The following MAP4K4 variants were observed in gnomAD, a reference collection of about 807,000 sequenced individuals.
MAP4K4 encodes the protein mitogen-activated protein kinase kinase kinase kinase 4.
A neutral mutation model predicts 189.6 loss-of-function variants in MAP4K4; 38 were observed. The ratio of observed to expected loss-of-function variants is 0.20; its 90% CI spans 0.15 to 0.26. The LOEUF (loss-of-function observed/expected upper bound fraction) is 0.26, where lower values mean the gene tolerates loss of function less well. MAP4K4 is among the 10% of genes least tolerant of loss of function. The pLI is 1.00. For synonymous variants in MAP4K4, 610 were observed against 624.3 expected, an observed-to-expected ratio of 0.98 and a Z score of 0.34; for missense variants, 1,054 against 1,726.9, an observed-to-expected ratio of 0.61 and a Z score of 6.91.
At chr2:101,829,482 C>A in intron 5 of MAP4K4, 22 bp from the exon 6 acceptor site, 1 of 1,552,686 alleles carries the variant, frequency 6.4e-7, no homozygotes, top group Non-Finnish European at 8.8e-7. Context: ...AACTAAAATT[C>A]AGGTCTGTCT....
chr2:101,742,887 G>A (rs1035034984), intron 2 of MAP4K4, among the ~76,000 whole-genome samples: 12 of 152,184 alleles, frequency 7.9e-5, no homozygotes, highest in Non-Finnish European at 1.5e-4. Context: ...TTATAGTTTA[G>A]AAGTCTGAAA....
At chr2:101,710,100 A>G (rs1384297854) in intron 2 of MAP4K4, among the ~76,000 whole-genome samples, 3 of 152,220 alleles carry the variant, frequency 2.0e-5, no homozygotes, top group African/African-American at 7.2e-5. Flanking sequence ...TTTGAGAGGT[A>G]TGTCAAAGAC....
At chr2:101,824,091 T>C in intron 4 of MAP4K4, 38 bp downstream of exon 4, 2 of 1,283,952 alleles carry the variant, frequency 1.6e-6, no homozygotes, top group East Asian at 3.8e-5. Context: ...GGGCATTCCA[T>C]TTGCTTGAAT....
intron 2 of MAP4K4, 115 bp downstream of exon 2, chr2:101,698,653 G>A (rs2036108024): frequency 1.1e-6 from 1 of 923,258 alleles, no homozygotes. Flanking sequence ...GGCCAAAGTT[G>A]GGAGAGGGGT....
intron 2 of MAP4K4, among the ~76,000 whole-genome samples, chr2:101,746,748 C>G (rs2065782272): frequency 6.6e-6 from 1 of 152,042 alleles, no homozygotes; most frequent in African/African-American, 2.4e-5. Context: ...ATTTTTAGGC[C>G]AAATGTGGAG....
chr2:101,801,803 C>T (rs940396444), intron 3 of MAP4K4, among the ~76,000 whole-genome samples: 1 of 152,180 alleles, frequency 6.6e-6, no homozygotes, highest in Non-Finnish European at 1.5e-5. Flanking sequence ...GTCCGATAGC[C>T]TAAACTCAAC....
chr2:101,790,860 G>C, intron 3 of MAP4K4, 84 bp downstream of exon 3: 1 of 1,174,036 alleles, frequency 8.5e-7, no homozygotes, highest in African/African-American at 1.5e-5. Context: ...TACTCTGTTT[G>C]GAAAATCTGA....
intron 2 of MAP4K4, among the ~76,000 whole-genome samples, chr2:101,699,626 A>G (rs1382314792): frequency 6.6e-6 from 1 of 152,170 alleles, no homozygotes; most frequent in Non-Finnish European, 1.5e-5. Flanking sequence ...AGCCGACTGT[A>G]GACCTTTTCT....
intron 4 of MAP4K4, among the ~76,000 whole-genome samples, chr2:101,824,981 A>G (rs1450879377): frequency 1.3e-5 from 2 of 152,234 alleles, no homozygotes; most frequent in South Asian, 2.1e-4. Flanking sequence ...ATGTTAGGGA[A>G]TATTTGAGTC....
chr2:101,845,199 A>AC (rs60954577), intron 12 of MAP4K4, among the ~76,000 whole-genome samples: 10 of 151,664 alleles, frequency 6.6e-5, no homozygotes, highest in Admixed American at 5.3e-4. Flanking sequence ...AAAAAAAAAA[A>AC]CCGAACACAC....
At chr2:101,726,915 G>A (rs569082361) in intron 2 of MAP4K4, among the ~76,000 whole-genome samples, 1 of 152,246 alleles carries the variant, frequency 6.6e-6, no homozygotes, top group South Asian at 2.1e-4. Flanking sequence ...ATCTGGTGGG[G>A]GACTTTCTTG....
chr2:101,764,310 A>T (rs919945635), intron 2 of MAP4K4, among the ~76,000 whole-genome samples: 1 of 152,208 alleles, frequency 6.6e-6, no homozygotes, highest in Admixed American at 6.5e-5. Flanking sequence ...TTAAATTCAT[A>T]GTTCATTTTG....
intron 2 of MAP4K4, among the ~76,000 whole-genome samples, chr2:101,772,886 T>C (rs1242967379): frequency 6.6e-6 from 1 of 152,212 alleles, no homozygotes; most frequent in African/African-American, 2.4e-5. Context: ...GGTAATGTTA[T>C]TCACTGCCTC....
At chr2:101,841,991 G>T (rs775827770) in intron 10 of MAP4K4, among the ~76,000 whole-genome samples, 2 of 152,162 alleles carry the variant, frequency 1.3e-5, no homozygotes, top group African/African-American at 4.8e-5. Context: ...ACTTTTGTTT[G>T]TTTGAAGTCT....
intron 5 of MAP4K4, among the ~76,000 whole-genome samples, chr2:101,828,989 C>T (rs769748733): frequency 2.6e-4 from 39 of 152,190 alleles, no homozygotes; most frequent in Non-Finnish European, 2.6e-4. Flanking sequence ...ACAGCACAAT[C>T]GTTTTATGCT....
At chr2:101,698,933 G>A (rs776067697) in intron 2 of MAP4K4, among the ~76,000 whole-genome samples, 4 of 152,108 alleles carry the variant, frequency 2.6e-5, no homozygotes, top group Non-Finnish European at 4.4e-5. Context: ...CACTGCTTTG[G>A]CCATCGTGAA....
At chr2:101,758,898 C>T (rs1269455210) in intron 2 of MAP4K4, among the ~76,000 whole-genome samples, 2 of 152,094 alleles carry the variant, frequency 1.3e-5, no homozygotes, top group South Asian at 2.1e-4. Context: ...CTTTGGGAGG[C>T]TGAGGCAGGC....
intron 2 of MAP4K4, among the ~76,000 whole-genome samples, chr2:101,778,396 A>G (rs532416506): frequency 6.6e-6 from 1 of 151,742 alleles, no homozygotes; most frequent in South Asian, 2.1e-4. Flanking sequence ...TTTTGTAGTC[A>G]TTTCCTTTAC....
At chr2:101,733,451 A>G (rs1400996084) in intron 2 of MAP4K4, among the ~76,000 whole-genome samples, 2 of 152,174 alleles carry the variant, frequency 1.3e-5, no homozygotes, top group African/African-American at 2.4e-5. Context: ...TAGAATTAGA[A>G]CTTGGGTGTC....
Sources: allele counts gnomAD v4.1 joint callset (sites outside exome capture counted in the v4.1 genomes callset), GRCh38; gene constraint gnomAD v4.1.1; transcripts MANE v1.5; gene names NCBI Gene and HGNC (gene_info 2026-07-23, HGNC 2026-07-21).